The following PHACTR2 variants were observed in gnomAD, a reference collection of about 807,000 sequenced individuals.
PHACTR2 encodes phosphatase and actin regulator 2, also known as chromosome 6 open reading frame 56.
PHACTR2 carries 30 observed loss-of-function variants against 76.0 expected under a neutral mutation model. The observed-to-expected ratio is 0.39, with a 90% confidence interval of 0.30 to 0.54. The LOEUF (loss-of-function observed/expected upper bound fraction) is 0.54. Ranked by LOEUF, PHACTR2 falls within the 20% of genes least tolerant of loss-of-function variation. The probability of loss-of-function intolerance (pLI) is 0.61; values close to 1 mark genes in which losing one functional copy is unlikely to be tolerated. For synonymous variants in PHACTR2, 292 were observed against 292.5 expected (o/e 1.00, Z 0.02); for missense variants, 696 against 781.1 (o/e 0.89, Z 1.30).
chr6:143,577,762 A>G (rs992081922), intron 1 of PHACTR2, among the ~76,000 whole-genome samples: 6 of 135,062 alleles, frequency 4.4e-5, no homozygotes, highest in African/African-American at 1.4e-4. Context: ...TGGTAACCAT[A>G]TCGTCGATGG....
At chr6:143,747,896 A>G (rs1384110836) in intron 2 of PHACTR2, among the ~76,000 whole-genome samples, 1 of 152,126 alleles carries the variant, frequency 6.6e-6, no homozygotes, top group East Asian at 1.9e-4. Flanking sequence ...GGACATATAG[A>G]GCACAGGATT....
chr6:143,807,042 T>A lies in PHACTR2; in HGVS notation c.1846-15T>A, dbSNP rs1232495687. The A allele has an allele frequency of 6.8e-7, 1 of 1,480,612 alleles. No homozygotes were observed. The allele number at this position is 1,480,612 out of a possible 1,614,324, so 91.7% of individuals were successfully genotyped here. ...TAAATAACAGTTCTGTTTATCTATT[T>A]TTTTTCCTGTTTAGGCAGCAATAAG... On this transcript the variant is annotated splice_polypyrimidine_tract_variant and intron_variant, in intron 11 of 12. Coordinates refer to ENST00000440869, the MANE Select transcript of PHACTR2 (RefSeq NM_001100164.2). This position sits in a 1 kb window ranked among gnomAD's most constrained non-coding sequence, Gnocchi z 5.5.
intron 1 of PHACTR2, among the ~76,000 whole-genome samples, chr6:143,576,721 A>T (rs1251418730): frequency 6.6e-6 from 1 of 152,044 alleles, no homozygotes; most frequent in Non-Finnish European, 1.5e-5. Context: ...TACTAAAAAT[A>T]CAAAATTAAC....
intron 6 of PHACTR2, among the ~76,000 whole-genome samples, chr6:143,769,750 G>A (rs752761306): frequency 6.6e-6 from 1 of 152,116 alleles, no homozygotes; most frequent in African/African-American, 2.4e-5. Context: ...TCTCAAATTT[G>A]TTCTGTTATT....
intron 9 of PHACTR2, among the ~76,000 whole-genome samples, chr6:143,778,890 A>T (rs971937607): frequency 6.6e-6 from 1 of 152,214 alleles, no homozygotes; most frequent in African/African-American, 2.4e-5. Flanking sequence ...GAACTGTTTC[A>T]TAGATCTAGA....
chr6:143,635,476 A>G (rs1776435722), intron 1 of PHACTR2, among the ~76,000 whole-genome samples: 1 of 152,190 alleles, frequency 6.6e-6, no homozygotes, highest in Non-Finnish European at 1.5e-5. Context: ...TAAAATCTTG[A>G]TAGATACTGC....
chr6:143,760,421 G>A lies in PHACTR2; in HGVS notation c.475G>A (p.Glu159Lys). The A allele has an allele frequency of 6.2e-7, 1 of 1,612,152 alleles. No individual in the cohort carries two copies. The highest frequency in any genetic ancestry group is 8.5e-7 in the Non-Finnish European group (1 of 1,179,000). The change falls in exon 5 of 13, where the codon GAA (glutamate) becomes AAA (lysine). Residue 159 changes from glutamate (E) to lysine (K), a missense_variant. Glu to Lys is a moderately conservative substitution (Grantham distance 56, BLOSUM62 1). Coordinates refer to ENST00000440869, the MANE Select transcript of PHACTR2 (RefSeq NM_001100164.2). The surrounding 1 kb of genome is among the most constrained non-coding windows in gnomAD (Gnocchi z 6.4). The part of the protein sequence containing the change: ...DKKENTENHS[E>K]TPAAPALPPS... ...TATAGAGAACACTGAAAACCACTCT[G>A]AAACACCGGCAGCTCCTGCTCTACC...
Position 143,820,533 on chromosome 6 carries a change from T to G in PHACTR2, c.1923-3141T>G, listed in dbSNP as rs1776395340. ...GTTAAATCATAAAGCTCCAAAATAA[T>G]CTCCTCTGACTCCATGTCCCATGTC... On this transcript the variant is annotated intron_variant, in intron 12 of 12. Transcript: ENST00000440869. The surrounding 1 kb of genome is among the most constrained non-coding windows in gnomAD (Gnocchi z 4.2). Among the ~76,000 whole-genome samples, 1 of 152,134 alleles carries G rather than the reference T, an allele frequency of 6.6e-6. No homozygotes were observed. Among genetic ancestry groups the G allele is most frequent in the South Asian group, 2.1e-4 (1 of 4,830 alleles).
At chr6:143,745,251 G>A (rs1050597802) in intron 2 of PHACTR2, among the ~76,000 whole-genome samples, 24 of 152,282 alleles carry the variant, frequency 1.6e-4, no homozygotes, top group African/African-American at 5.8e-4. Context: ...GTGATGACCT[G>A]GAGCCGACTG....
Position 143,678,261 on chromosome 6 carries a change from C to A in PHACTR2, c.46+52C>A. On this transcript the variant is annotated intron_variant, in intron 1 of 12. Transcript: ENST00000440869. The surrounding 1 kb of genome is among the most constrained non-coding windows in gnomAD (Gnocchi z 6.2). ...TCCCGCCGCGCGGGCGCAGGGCTGG[C>A]GGCGGGGCCCCGGGGCAGGCAGGGT... 9.3e-6 allele frequency: 13 copies of A among 1,398,050 alleles called. No homozygotes were observed. Among genetic ancestry groups the A allele is most frequent in the Non-Finnish European group, 1.2e-5 (13 of 1,078,852 alleles). 86.6% of individuals were successfully genotyped at this position (1,398,050 alleles called of 1,614,324 possible). A position where few individuals can be genotyped will look rare whatever the true frequency, so the allele number is the denominator to read the frequency against.
rs1039967659 is a variant in PHACTR2, at chr6:143,709,214, A to G, written c.47-2802A>G. Among the ~76,000 whole-genome samples the G allele has an allele frequency of 6.6e-6, 1 of 152,206 alleles. No homozygotes were observed. The highest frequency in any genetic ancestry group is 1.5e-5 in the Non-Finnish European group (1 of 68,032). ...CCCCTGTATCTCTATCTGTTGTGCT[A>G]TGGCTGAAAGTAGGGTTAGGAACCA... is the stretch of plus-strand genomic sequence containing the variant. On this transcript the variant is annotated intron_variant, in intron 1 of 12. Coordinates refer to ENST00000440869, the MANE Select transcript of PHACTR2 (RefSeq NM_001100164.2). The surrounding 1 kb of genome is among the most constrained non-coding windows in gnomAD (Gnocchi z 4.4).
chr6:143,556,092 A>G lies in PHACTR2; in HGVS notation c.217+18885A>G, dbSNP rs184397630. 2.2e-3 allele frequency among the ~76,000 whole-genome samples: 329 copies of G among 152,358 alleles called. 3 individuals carry two copies. The highest frequency in any genetic ancestry group is 0.012 in the South Asian group (58 of 4,824). ...GTAGTGTTACATTGAAGGTAGTAGC[A>G]GAAGGGACAGTGAAAACTCATGATG... On this transcript the variant is annotated intron_variant, in intron 1 of 11. Coordinates refer to the PHACTR2 transcript ENST00000367584. The surrounding 1 kb of genome is among the most constrained non-coding windows in gnomAD (Gnocchi z 4.3).
chr6:143,725,202 T>C (rs1778535700), intron 2 of PHACTR2, among the ~76,000 whole-genome samples: 1 of 122,768 alleles, frequency 8.1e-6, no homozygotes, highest in South Asian at 2.8e-4. Flanking sequence ...TGCTGTCTTT[T>C]TTTTTTTTTT....
At chr6:143,563,191 A>T (rs1256698986) in intron 1 of PHACTR2, among the ~76,000 whole-genome samples, 2 of 152,222 alleles carry the variant, frequency 1.3e-5, no homozygotes, top group Non-Finnish European at 2.9e-5. Flanking sequence ...AATTAGCAGT[A>T]AAGTGTTCCA....
Position 143,761,414 on chromosome 6 carries a change from A to G in PHACTR2, c.694+774A>G. Among the ~76,000 whole-genome samples the G allele has an allele frequency of 6.6e-6, 1 of 152,148 alleles. No individual in the cohort carries two copies. ...GCAAAGTGGAAACTCCCATTTTTTT[A>G]GTGAAGAGGAAGAAAGATGCCTACC... On this transcript the variant is annotated intron_variant, in intron 5 of 12. Coordinates refer to ENST00000440869, the MANE Select transcript of PHACTR2 (RefSeq NM_001100164.2). The surrounding 1 kb of genome is among the most constrained non-coding windows in gnomAD (Gnocchi z 5.2).
intron 1 of PHACTR2, among the ~76,000 whole-genome samples, chr6:143,540,523 C>T (rs1781163374): frequency 6.6e-6 from 1 of 152,090 alleles, no homozygotes; most frequent in Non-Finnish European, 1.5e-5. Context: ...TTTTTAAAGA[C>T]CTGTTCTGTG....
intron 1 of PHACTR2, among the ~76,000 whole-genome samples, chr6:143,544,115 T>A (rs959924513): frequency 1.3e-5 from 2 of 152,046 alleles, no homozygotes; most frequent in African/African-American, 4.8e-5. Flanking sequence ...CTGAGGTGGG[T>A]TGTAGAAACT....
At chr6:143,744,075 C>A (rs1779001431) in intron 2 of PHACTR2, among the ~76,000 whole-genome samples, 1 of 152,238 alleles carries the variant, frequency 6.6e-6, no homozygotes, top group African/African-American at 2.4e-5. Flanking sequence ...TCGTGTACTA[C>A]ACCCTGCTAG....
chr6:143,798,825 G>A (rs1339668822), intron 11 of PHACTR2, among the ~76,000 whole-genome samples: 3 of 152,124 alleles, frequency 2.0e-5, no homozygotes, highest in East Asian at 1.9e-4. Flanking sequence ...GATGTTCATC[G>A]GGGATATTGG....
Sources: gnomAD v4.1 joint callset for allele counts (sites outside exome capture counted in the v4.1 genomes callset) on GRCh38, gnomAD v4.1.1 for gene constraint, Gnocchi (gnomAD v3.1) non-coding constraint, MANE v1.5 for transcripts, NCBI Gene and HGNC (gene_info 2026-07-23, HGNC 2026-07-21) for gene names.